The following RORA variants were observed in gnomAD, a reference collection of about 807,000 sequenced individuals.
RORA encodes RAR related orphan receptor A.
RORA carries 7 observed loss-of-function variants against 69.5 expected under a neutral mutation model. That is an observed-to-expected ratio of 0.10 (90% CI 0.06 to 0.19). The LOEUF (loss-of-function observed/expected upper bound fraction) is 0.19, where lower values mean the gene tolerates loss of function less well. Among genes scored for constraint, RORA ranks in the 10% least tolerant of loss-of-function variants. The pLI, the probability that RORA is intolerant of heterozygous loss-of-function variation, is 1.00. For missense variants in RORA, 457 were observed against 663.0 expected, an observed-to-expected ratio of 0.69 and a Z score of 3.41; for synonymous variants, 261 against 240.8, an observed-to-expected ratio of 1.08 and a Z score of -0.78.
chr15:61,215,731 T>C (rs1159890748), intron 1 of RORA, among the ~76,000 whole-genome samples: 2 of 152,230 alleles, frequency 1.3e-5, no homozygotes, highest in African/African-American at 2.4e-5. Context: ...CCAATTATTT[T>C]TGTTCACTGA....
intron 1 of RORA, among the ~76,000 whole-genome samples, chr15:60,901,370 C>T (rs1177384922): frequency 1.3e-5 from 2 of 152,174 alleles, no homozygotes; most frequent in African/African-American, 4.8e-5. Context: ...TGGGGTTTCG[C>T]CATGCTGGCC....
intron 5 of RORA, among the ~76,000 whole-genome samples, chr15:60,508,843 C>A (rs60006968): frequency 0.053 from 8,072 of 152,176 alleles, 731 homozygotes; most frequent in African/African-American, 0.18. Flanking sequence ...AGTAACAAAC[C>A]TAATTTGCAC....
rs188520582 is a variant in RORA, at chr15:60,905,622, G to T, written c.167-226936C>A. On this transcript the variant is annotated intron_variant, in intron 1 of 10. Transcript: ENST00000335670. The surrounding 1 kb of genome is among the most constrained non-coding windows in gnomAD (Gnocchi z 4.8). Reference sequence around the variant, plus strand: ...TTTCAATTAATAAATAGCTCTAAAAGTGAAGGAAGTGATAAAGCCCTCAAG... The same window carrying T: ...TTTCAATTAATAAATAGCTCTAAAATTGAAGGAAGTGATAAAGCCCTCAAG... 2.1e-3 allele frequency among the ~76,000 whole-genome samples: 325 copies of T among 152,310 alleles called. No individual in the cohort carries two copies. Among genetic ancestry groups the T allele is most frequent in the African/African-American group, 7.6e-3 (315 of 41,560 alleles).
rs375270309 is a variant in RORA at position 60,562,432 on chromosome 15, G to T, written c.197-30581C>A. ...TACATTTTTTTTTTGAGGCGGGGTTGGGGGGGGGTTGCTTTTGTTTTGAGA... is the reference window on the plus strand; with the variant it reads ...TACATTTTTTTTTTGAGGCGGGGTTTGGGGGGGGTTGCTTTTGTTTTGAGA... On this transcript the variant is annotated intron_variant, in intron 2 of 10. Transcript: ENST00000335670. 7.8e-3 allele frequency among the ~76,000 whole-genome samples: 749 copies of T among 95,620 alleles called. 11 individuals are homozygous for T. Among genetic ancestry groups the T allele is most frequent in the African/African-American group, 0.056 (719 of 12,770 alleles). 62.7% of individuals were successfully genotyped at this position (95,620 alleles called of 152,430 possible). A position where few individuals can be genotyped will look rare whatever the true frequency, so the allele number is the denominator to read the frequency against.
At chr15:61,021,276 T>A (rs1041590187) in intron 1 of RORA, among the ~76,000 whole-genome samples, 1 of 152,192 alleles carries the variant, frequency 6.6e-6, no homozygotes, top group Non-Finnish European at 1.5e-5. Context: ...AGTGGGAGAC[T>A]AGAAAGGCAG....
chr15:60,669,331 A>T (rs1034882584), intron 2 of RORA, among the ~76,000 whole-genome samples: 6 of 78,180 alleles, frequency 7.7e-5, no homozygotes, highest in African/African-American at 2.8e-4. Context: ...CCTTCCCAAT[A>T]AGCGTTTTTT....
rs188819730 is a variant in RORA at position 60,591,924 on chromosome 15, A to G, written c.197-60073T>C. Among the ~76,000 whole-genome samples the G allele has an allele frequency of 6.5e-3, 985 of 152,074 alleles. 8 individuals carry two copies. Among genetic ancestry groups the G allele is most frequent in the African/African-American group, 0.022 (926 of 41,520 alleles). On this transcript the variant is annotated intron_variant, in intron 2 of 10. Transcript: ENST00000335670. ...ACCAGTCCCCGGGGATGACATCGCGACAACGCGCACGCACGGCCCTGCCCG... is the reference window on the plus strand; with the variant it reads ...ACCAGTCCCCGGGGATGACATCGCGGCAACGCGCACGCACGGCCCTGCCCG...
chr15:60,507,563 A>T (rs1443064428), intron 5 of RORA, among the ~76,000 whole-genome samples: 26 of 152,088 alleles, frequency 1.7e-4, no homozygotes, highest in Non-Finnish European at 1.5e-5. Flanking sequence ...ACTGAGAGTG[A>T]GAGAGAGAAG....
At chr15:61,110,897 C>T (rs187866589) in intron 1 of RORA, among the ~76,000 whole-genome samples, 8 of 152,346 alleles carry the variant, frequency 5.3e-5, no homozygotes, top group African/African-American at 1.9e-4. Flanking sequence ...ATGGATATGG[C>T]GCTCCTGGAC....
intron 1 of RORA, among the ~76,000 whole-genome samples, chr15:61,209,694 A>C (rs939003645): frequency 2.0e-5 from 3 of 152,224 alleles, no homozygotes; most frequent in African/African-American, 2.4e-5. Context: ...AGACAGCCAA[A>C]TACTTTACTT....
At chr15:60,619,256 C>T (rs1413228281) in intron 2 of RORA, among the ~76,000 whole-genome samples, 1 of 152,226 alleles carries the variant, frequency 6.6e-6, no homozygotes, top group Non-Finnish European at 1.5e-5. Flanking sequence ...GACACACATT[C>T]TTCAATGGAT....
In RORA at chr15:60,716,328, C is replaced by T. The variant is rs184234918; in HGVS notation, c.167-37642G>A. Among the ~76,000 whole-genome samples the T allele has an allele frequency of 3.3e-4, 51 of 152,282 alleles. No individual in the cohort carries two copies. The East Asian group carries it at 6.4e-3, about 19-fold the overall frequency. The stretch of plus-strand genomic sequence containing the variant: ...GAATCTTCCCCTCCTTCAGAGATAC[C>T]GCCTTTTGTATCATCTTTCTTCCTT... On this transcript the variant is annotated intron_variant, in intron 1 of 10. Transcript: ENST00000335670.
chr15:60,488,464 CTCTT>C lies in RORA; in HGVS notation c.*8987_*8990del, dbSNP rs531982296. 1.3e-4 allele frequency: 19 copies of C among 151,940 alleles called. No individual in the cohort carries two copies. The highest frequency in any genetic ancestry group is 5.8e-4 in the East Asian group (3 of 5,186). 9.4% of individuals were successfully genotyped at this position (151,940 alleles called of 1,614,324 possible). A position where few individuals can be genotyped will look rare whatever the true frequency, so the allele number is the denominator to read the frequency against. On this transcript the variant is annotated 3_prime_UTR_variant, in exon 11 of 11. Transcript: ENST00000335670. The stretch of plus-strand genomic sequence containing the variant: ...GTATTTAAAAGACAACATTAAATCT[CTCTT>C]TTTTGTACAGCTTGTATTTACAAAA...
intron 1 of RORA, among the ~76,000 whole-genome samples, chr15:60,846,323 T>C (rs2073264898): frequency 6.6e-6 from 1 of 152,222 alleles, no homozygotes; most frequent in African/African-American, 2.4e-5. Flanking sequence ...TGATAGGTAC[T>C]GTATAAATAT....
At chr15:60,519,662 C>T (rs1346506809) in intron 3 of RORA, among the ~76,000 whole-genome samples, 6 of 152,196 alleles carry the variant, frequency 3.9e-5, no homozygotes, top group Non-Finnish European at 7.3e-5. Flanking sequence ...CAGCTTCCTA[C>T]CGCCCAGACA....
intron 1 of RORA, among the ~76,000 whole-genome samples, chr15:60,781,259 G>C (rs116956827): frequency 1.3e-5 from 2 of 152,138 alleles, no homozygotes; most frequent in African/African-American, 2.4e-5. Context: ...TCTGGTGCCC[G>C]CAGCTTTCAG....
chr15:61,117,600 T>C lies in RORA; in HGVS notation c.166+111453A>G, dbSNP rs115714776. Among the ~76,000 whole-genome samples, 464 of 152,320 alleles carry C rather than the reference T, an allele frequency of 3.0e-3. 1 individual carries two copies. The highest frequency in any genetic ancestry group is 0.011 in the African/African-American group (446 of 41,566). ...GCTTCATCTTTTATACTCTATAGAA[T>C]TGTTTTGACTGCTAAATGTGTTTGA... is the stretch of plus-strand genomic sequence containing the variant. On this transcript the variant is annotated intron_variant, in intron 1 of 10. Coordinates refer to ENST00000335670, the MANE Select transcript of RORA (RefSeq NM_134261.3).
chr15:60,754,509 G>A (rs1220245205), intron 1 of RORA, among the ~76,000 whole-genome samples: 1 of 152,066 alleles, frequency 6.6e-6, no homozygotes, highest in Non-Finnish European at 1.5e-5. Context: ...AAAATTATTA[G>A]GGCTGTTTTA....
At chr15:61,065,776 A>T (rs1457145350) in intron 1 of RORA, among the ~76,000 whole-genome samples, 1 of 152,228 alleles carries the variant, frequency 6.6e-6, no homozygotes, top group Admixed American at 6.5e-5. Context: ...TTTAGAGCAC[A>T]AAAATTACCT....
Sources: allele counts gnomAD v4.1 joint callset (sites outside exome capture counted in the v4.1 genomes callset), GRCh38; gene constraint gnomAD v4.1.1; non-coding constraint Gnocchi (gnomAD v3.1); transcripts MANE v1.5; gene names NCBI Gene and HGNC (gene_info 2026-07-23, HGNC 2026-07-21).